Variants in EIF4G3 observed in about 807,000 individuals in gnomAD.
EIF4G3 encodes eIF-4-gamma 3.
In EIF4G3, 34 loss-of-function variants were observed where a neutral mutation model predicts 186.4. The observed-to-expected ratio is 0.18, with a 90% CI of 0.14 to 0.24. The LOEUF is 0.24. Ranked by LOEUF, EIF4G3 falls within the 10% of genes least tolerant of loss-of-function variation. The pLI is 1.00. For missense variants in EIF4G3, 1,536 were observed against 1,948.5 expected (o/e 0.79, Z 3.99); for synonymous variants, 673 against 679.5 (o/e 0.99, Z 0.15).
intron 14 of EIF4G3, among the ~76,000 whole-genome samples, chr1:20,921,036 T>C (rs2094456620): frequency 6.6e-6 from 1 of 152,184 alleles, no homozygotes; most frequent in Non-Finnish European, 1.5e-5. Context: ...ATAAAAATTA[T>C]GTATAAATTA....
intron 2 of EIF4G3, among the ~76,000 whole-genome samples, chr1:21,134,536 G>A (rs2097205177): frequency 6.6e-6 from 1 of 152,104 alleles, no homozygotes; most frequent in East Asian, 1.9e-4. Context: ...CAGACATGGT[G>A]GTGCACACTT....
chr1:20,947,570 G>A (rs879373064), intron 13 of EIF4G3, among the ~76,000 whole-genome samples: 10 of 136,208 alleles, frequency 7.3e-5, no homozygotes, highest in African/African-American at 1.9e-4. Context: ...AAGAAAGAAC[G>A]AGAGAGCAAG....
Position 21,175,096 on chromosome 1 carries a change from A to G in EIF4G3, c.-272+1079T>C, listed in dbSNP as rs1307320613. 8 of 152,238 alleles carry G rather than the reference A, an allele frequency of 5.3e-5. No individual in the cohort carries two copies. In the East Asian group the frequency reaches 1.5e-3, roughly 29 times the overall value. The allele number at this position is 152,238 out of a possible 1,614,324, so 9.4% of individuals were successfully genotyped here. ...AAAAGTCAAACGCACGATGACACAA[A>G]CATAAAAACACAACACATCTAACAT... On this transcript the variant is annotated intron_variant, in intron 2 of 36. Transcript: ENST00000602326.
chr1:21,099,116 T>C (rs1290024287), intron 2 of EIF4G3, among the ~76,000 whole-genome samples: 2 of 151,986 alleles, frequency 1.3e-5, no homozygotes, highest in Non-Finnish European at 2.9e-5. Flanking sequence ...AAAATGACAA[T>C]AATGAGTGCT....
intron 3 of EIF4G3, among the ~76,000 whole-genome samples, chr1:21,079,401 C>T (rs1261600209): frequency 6.6e-6 from 1 of 151,362 alleles, no homozygotes; most frequent in Non-Finnish European, 1.5e-5. Flanking sequence ...GGAGCAGTGG[C>T]TCACACCTAT....
At chr1:21,120,445 T>A (rs1377466025) in intron 2 of EIF4G3, among the ~76,000 whole-genome samples, 1 of 151,962 alleles carries the variant, frequency 6.6e-6, no homozygotes, top group Non-Finnish European at 1.5e-5. Flanking sequence ...CTGGCTAATG[T>A]GGTGAAACCT....
chr1:20,839,403 G>C (rs143727991), intron 30 of EIF4G3, among the ~76,000 whole-genome samples: 1 of 152,086 alleles, frequency 6.6e-6, no homozygotes, highest in Non-Finnish European at 1.5e-5. Flanking sequence ...GAGTCACCAC[G>C]CCTGGCAAGA....
In EIF4G3 at chr1:20,911,560, CAAAAAAAAA is replaced by C. The variant is rs60071144; in HGVS notation, c.1664-6598_1664-6590del. ...TGGGTAACAGACTGAGACCCTGCCTCAAAAAAAAAAAAAAAAAAAAAAAAAAAAGAATGT... is the reference window on the plus strand; with the variant it reads ...TGGGTAACAGACTGAGACCCTGCCTCAAAAAAAAAAAAAAAAAAAGAATGT... On this transcript the variant is annotated intron_variant, in intron 14 of 36. Coordinates refer to ENST00000602326, the MANE Select transcript of EIF4G3 (RefSeq NM_001391906.1). 1.1e-3 allele frequency among the ~76,000 whole-genome samples: 44 copies of C among 40,720 alleles called. 1 individual carries two copies. Among genetic ancestry groups the C allele is most frequent in the Middle Eastern group, 0.019 (1 of 52 alleles). 26.7% of individuals were successfully genotyped at this position (40,720 alleles called of 152,430 possible).
intron 14 of EIF4G3, among the ~76,000 whole-genome samples, chr1:20,919,082 C>T (rs75170224): frequency 0.011 from 1,673 of 152,180 alleles, 15 homozygotes; most frequent in Non-Finnish European, 0.018. Context: ...TTCCTATTCT[C>T]ATCCTTTATC....
At chr1:21,039,318 T>C (rs1304226145) in intron 4 of EIF4G3, among the ~76,000 whole-genome samples, 1 of 152,244 alleles carries the variant, frequency 6.6e-6, no homozygotes, top group African/African-American at 2.4e-5. Context: ...AGTTCCATTC[T>C]GTGAGAGAAC....
At chr1:20,981,943 C>T (rs925066392) in intron 8 of EIF4G3, among the ~76,000 whole-genome samples, 4 of 151,970 alleles carry the variant, frequency 2.6e-5, no homozygotes, top group African/African-American at 9.7e-5. Context: ...TTAAAAGTAG[C>T]CTCCTAAAAG....
chr1:20,864,529 G>A lies in EIF4G3; in HGVS notation c.2953C>T (p.Leu985=). Residue 985 remains leucine (L), a synonymous_variant, in exon 22 of 37, where the codon CTG becomes TTG. Coordinates refer to ENST00000602326, the MANE Select transcript of EIF4G3 (RefSeq NM_001391906.1). ...CCAATGGTGGTGAGCAGGCGACACA[G>A]GCACTCCAGGGATTCTTCATCATGG... ...KNHDEESLEC[L]CRLLTTIGKD... The A allele has an allele frequency of 6.2e-7, 1 of 1,614,182 alleles. No homozygotes were observed. The highest frequency in any genetic ancestry group is 1.1e-5 in the South Asian group (1 of 91,078).
chr1:21,168,378 T>C (rs2103034096), intron 2 of EIF4G3, among the ~76,000 whole-genome samples: 1 of 152,036 alleles, frequency 6.6e-6, no homozygotes, highest in South Asian at 2.1e-4. Context: ...CACTCCAGCC[T>C]GGGTGACAGA....
intron 19 of EIF4G3, among the ~76,000 whole-genome samples, chr1:20,880,637 G>C (rs1007837424): frequency 6.6e-6 from 1 of 152,138 alleles, no homozygotes; most frequent in Non-Finnish European, 1.5e-5. Context: ...TGTAATCCCA[G>C]CTACTCGGGA....
intron 14 of EIF4G3, among the ~76,000 whole-genome samples, chr1:20,928,390 C>T (rs1250396033): frequency 6.6e-6 from 1 of 152,054 alleles, no homozygotes; most frequent in East Asian, 1.9e-4. Flanking sequence ...ATGCTGGTGG[C>T]ACCACCATAT....
chr1:20,941,933 A>T lies in EIF4G3; in HGVS notation c.1221T>A (p.Ser407=), dbSNP rs2154562374. 6.2e-7 allele frequency: 1 copy of T among 1,614,170 alleles called. No homozygotes were observed. The highest frequency in any genetic ancestry group is 8.5e-7 in the Non-Finnish European group (1 of 1,180,020). The change falls in exon 14 of 37, where the codon TCT becomes TCA. Residue 407 remains serine (S), a synonymous_variant. Coordinates refer to ENST00000602326, the MANE Select transcript of EIF4G3 (RefSeq NM_001391906.1). ...SVAPNDIPLV[S]STNLINEING... ...TTATTTCATTAATTAGGTTAGTACT[A>T]GAAACCAGTGGAATATCATTAGGTG...
At chr1:20,901,040 G>C (rs965959056) in intron 15 of EIF4G3, among the ~76,000 whole-genome samples, 1 of 151,952 alleles carries the variant, frequency 6.6e-6, no homozygotes, top group Non-Finnish European at 1.5e-5. Context: ...AGAAACAGAT[G>C]GTTTTTAGAC....
intron 3 of EIF4G3, among the ~76,000 whole-genome samples, chr1:21,085,935 G>A (rs1428193060): frequency 5.9e-5 from 9 of 152,060 alleles, no homozygotes; most frequent in Admixed American, 2.0e-4. Flanking sequence ...CTCGTGATCC[G>A]TCTGCCTTGG....
chr1:21,039,747 A>G (rs2093452252), intron 4 of EIF4G3, among the ~76,000 whole-genome samples: 1 of 152,228 alleles, frequency 6.6e-6, no homozygotes, highest in Admixed American at 6.5e-5. Context: ...TAAAATATAT[A>G]TAAATCACAT....
Sources: gnomAD v4.1 joint callset for allele counts (sites outside exome capture counted in the v4.1 genomes callset) on GRCh38, gnomAD v4.1.1 for gene constraint, MANE v1.5 for transcripts, NCBI Gene and HGNC (gene_info 2026-07-23, HGNC 2026-07-21) for gene names.